The following KCNH8 variants were observed in gnomAD, a reference collection of about 807,000 sequenced individuals.
KCNH8 encodes the protein potassium voltage-gated channel subfamily H member 8.
KCNH8 carries 70 observed loss-of-function variants against 103.6 expected under a neutral mutation model. The ratio of observed to expected loss-of-function variants is 0.68; its 90% CI spans 0.56 to 0.82. The LOEUF (loss-of-function observed/expected upper bound fraction) is 0.82, where lower values mean the gene tolerates loss of function less well. KCNH8 is among the 40% of genes least tolerant of loss of function. The pLI is 0.00. For missense variants in KCNH8, 1,217 were observed against 1,329.9 expected (o/e 0.92, Z 1.32); for synonymous variants, 498 against 489.4 (o/e 1.02, Z -0.23).
chr3:19,347,445 C>A (rs1016501346), intron 4 of KCNH8, among the ~76,000 whole-genome samples: 3 of 151,928 alleles, frequency 2.0e-5, no homozygotes, highest in Admixed American at 2.0e-4. Context: ...TTTTTGATGA[C>A]ATTTTAGGTA....
intron 15 of KCNH8, among the ~76,000 whole-genome samples, chr3:19,518,964 G>T (rs2068924827): frequency 6.6e-6 from 1 of 152,010 alleles, no homozygotes; most frequent in African/African-American, 2.4e-5. Flanking sequence ...TTAAAGAACA[G>T]AGAAGTAAGA....
intron 15 of KCNH8, among the ~76,000 whole-genome samples, chr3:19,527,831 G>A (rs901280683): frequency 2.6e-5 from 4 of 152,064 alleles, no homozygotes; most frequent in Admixed American, 6.6e-5. Flanking sequence ...TGATTTGTGT[G>A]GTTAATGCAT....
intron 3 of KCNH8, among the ~76,000 whole-genome samples, chr3:19,302,140 T>G (rs1465313713): frequency 2.0e-5 from 3 of 152,162 alleles, no homozygotes; most frequent in Non-Finnish European, 2.9e-5. Flanking sequence ...TTTTGGGGTG[T>G]GAGACTGAAG....
At chr3:19,455,130 T>C (rs941467415) in intron 10 of KCNH8, among the ~76,000 whole-genome samples, 1 of 152,166 alleles carries the variant, frequency 6.6e-6, no homozygotes, top group Non-Finnish European at 1.5e-5. Context: ...AGCAACTTTC[T>C]TGTCCAGTCA....
At chr3:19,357,924 C>CT (rs949725318) in intron 5 of KCNH8, among the ~76,000 whole-genome samples, 1 of 151,752 alleles carries the variant, frequency 6.6e-6, no homozygotes, top group Non-Finnish European at 1.5e-5. Flanking sequence ...CAAAAGGGCA[C>CT]TTTAGGAACT....
chr3:19,281,285 T>A lies in KCNH8; in HGVS notation c.398T>A (p.Ile133Lys), dbSNP rs1235273335. The A allele has an allele frequency of 2.5e-6, 4 of 1,611,018 alleles. No homozygotes were observed. Among genetic ancestry groups the A allele is most frequent in the Non-Finnish European group, 3.4e-6 (4 of 1,178,196 alleles). ...CTTTTTCTGGCCTCGTTCAAAGATA[T>A]AACAGATACAAAAGTGAAGATTACT... ...VVLFLASFKD[I>K]TDTKVKITPE... is the part of the protein sequence containing the mutation. Residue 133 changes from isoleucine (I) to lysine (K), a missense_variant, in exon 3 of 16, where the codon ATA becomes AAA. Ile to Lys is a moderately radical substitution (Grantham distance 102). Transcript: ENST00000328405.
At chr3:19,503,370 C>T (rs1001398229) in intron 11 of KCNH8, among the ~76,000 whole-genome samples, 16 of 152,128 alleles carry the variant, frequency 1.1e-4, no homozygotes, top group African/African-American at 2.9e-4. Context: ...GTCAGTGTGG[C>T]GATTCCTCAG....
intron 5 of KCNH8, among the ~76,000 whole-genome samples, chr3:19,349,695 T>C (rs1222870907): frequency 6.6e-6 from 1 of 152,124 alleles, no homozygotes; most frequent in Non-Finnish European, 1.5e-5. Flanking sequence ...CTTACTCCCA[T>C]AAAAACTCAT....
chr3:19,469,763 T>G (rs1318050654), intron 11 of KCNH8, among the ~76,000 whole-genome samples: 1 of 152,198 alleles, frequency 6.6e-6, no homozygotes. Context: ...AAGATCAATT[T>G]GGACTTCTTG....
At chr3:19,488,181 T>G (rs1415285775) in intron 11 of KCNH8, among the ~76,000 whole-genome samples, 1 of 152,170 alleles carries the variant, frequency 6.6e-6, no homozygotes, top group Non-Finnish European at 1.5e-5. Flanking sequence ...TGGGGACACT[T>G]ATTTTTCTAA....
At chr3:19,475,560 TAAG>T (rs2067956431) in intron 11 of KCNH8, among the ~76,000 whole-genome samples, 1 of 152,176 alleles carries the variant, frequency 6.6e-6, no homozygotes, top group Admixed American at 6.5e-5. Flanking sequence ...TTCAAAAGGT[TAAG>T]AAAATGTCTA....
At chr3:19,310,782 TTAAA>T (rs2065197603) in intron 3 of KCNH8, among the ~76,000 whole-genome samples, 2 of 151,762 alleles carry the variant, frequency 1.3e-5, no homozygotes, top group African/African-American at 2.4e-5. Flanking sequence ...AGTGAATGAA[TTAAA>T]TAAAACAGGA....
intron 7 of KCNH8, among the ~76,000 whole-genome samples, chr3:19,408,839 G>A (rs2066733330): frequency 6.6e-6 from 1 of 152,056 alleles, no homozygotes; most frequent in Non-Finnish European, 1.5e-5. Flanking sequence ...TTTAAAAAAT[G>A]ATCAAAATCT....
At chr3:19,255,688 A>G (rs1196705503) in intron 2 of KCNH8, among the ~76,000 whole-genome samples, 1 of 152,092 alleles carries the variant, frequency 6.6e-6, no homozygotes, top group Non-Finnish European at 1.5e-5. Context: ...AAGGAATTGT[A>G]TATTTGAAAT....
intron 6 of KCNH8, among the ~76,000 whole-genome samples, chr3:19,393,300 C>T (rs543899886): frequency 6.6e-5 from 10 of 152,068 alleles, no homozygotes; most frequent in Middle Eastern, 3.4e-3. Context: ...CTACTGACTC[C>T]GATGGGAGCA....
chr3:19,226,982 C>T (rs935775015), intron 1 of KCNH8, among the ~76,000 whole-genome samples: 1 of 152,186 alleles, frequency 6.6e-6, no homozygotes, highest in Non-Finnish European at 1.5e-5. Context: ...GGAGCCGTGT[C>T]CCAAGTCTTC....
intron 1 of KCNH8, among the ~76,000 whole-genome samples, chr3:19,201,634 A>G (rs2063664318): frequency 6.6e-6 from 1 of 151,958 alleles, no homozygotes; most frequent in African/African-American, 2.4e-5. Context: ...TGCCCTATTT[A>G]AATCTGATTT....
Position 19,154,858 on chromosome 3 carries a change from T to C in KCNH8, c.76+6063T>C, listed in dbSNP as rs544432330. 3.3e-5 allele frequency among the ~76,000 whole-genome samples: 5 copies of C among 152,320 alleles called. No homozygotes were observed. The South Asian group carries it at 8.3e-4, about 25-fold the overall frequency. On this transcript the variant is annotated intron_variant, in intron 1 of 15. Transcript: ENST00000328405. ...GTAAAAGGTAAAGAGTTGGAACTGC[T>C]GCAAAGATAGTATGCTTCGCCCTGG...
chr3:19,304,839 T>G (rs1417711576), intron 3 of KCNH8, among the ~76,000 whole-genome samples: 1 of 152,092 alleles, frequency 6.6e-6, no homozygotes, highest in East Asian at 1.9e-4. Context: ...TTTTAAAAAT[T>G]TATTTTATAT....
Sources: gnomAD v4.1 joint callset for allele counts (sites outside exome capture counted in the v4.1 genomes callset) on GRCh38, gnomAD v4.1.1 for gene constraint, MANE v1.5 for transcripts, NCBI Gene and HGNC (gene_info 2026-07-23, HGNC 2026-07-21) for gene names.